The following RUSC2 variants were observed in gnomAD, a reference collection of about 807,000 sequenced individuals.
RUSC2 encodes the protein RUN and SH3 domain containing 2, also known as AP-4 complex accessory subunit RUSC2.
Under a neutral mutation model 122.2 loss-of-function variants are expected in RUSC2, and 34 were observed. That is an observed-to-expected ratio of 0.28 (90% CI 0.21 to 0.37). The LOEUF is 0.37. Ranked by LOEUF, RUSC2 falls within the 10% of genes least tolerant of loss-of-function variation. The probability of loss-of-function intolerance (pLI) is 1.00; values close to 1 mark genes in which losing one functional copy is unlikely to be tolerated. For missense variants in RUSC2, 1,747 were observed against 1,952.4 expected (o/e 0.89, Z 1.98); for synonymous variants, 784 against 790.0 (o/e 0.99, Z 0.13).
At chr9:35,540,956 A>G (rs1265320711) in intron 1 of RUSC2, among the ~76,000 whole-genome samples, 1 of 152,224 alleles carries the variant, frequency 6.6e-6, no homozygotes, top group Non-Finnish European at 1.5e-5. Context: ...GATTATGCCT[A>G]CTTAAAAATG....
At chr9:35,497,503 T>A (rs934879270) in intron 1 of RUSC2, among the ~76,000 whole-genome samples, 2 of 152,188 alleles carry the variant, frequency 1.3e-5, no homozygotes, top group Non-Finnish European at 2.9e-5. Flanking sequence ...TTACCAGCCA[T>A]ATATCCGAAT....
chr9:35,559,898 T>A (rs1393373977), intron 9 of RUSC2, 131 bp from the exon 10 acceptor site: 6 of 742,546 alleles, frequency 8.1e-6, no homozygotes, highest in Admixed American at 2.4e-5. Flanking sequence ...TTATACTTAG[T>A]ACATGCAAGT....
intron 1 of RUSC2, among the ~76,000 whole-genome samples, chr9:35,541,923 TC>T (rs1762783405): frequency 6.8e-6 from 1 of 147,964 alleles, no homozygotes. Context: ...TATTTTTATA[TC>T]ATATAACATT....
rs564103546 is a variant in RUSC2 at position 35,561,282 on chromosome 9, G to A, written c.4451G>A (p.Trp1484Ter). 2 of 1,614,110 alleles carry A rather than the reference G, an allele frequency of 1.2e-6. No individual in the cohort carries two copies. Among genetic ancestry groups the A allele is most frequent in the South Asian group, 2.2e-5 (2 of 91,084 alleles). Residue 1484 changes from tryptophan to a stop codon, truncating the protein, a stop_gained, in exon 12 of 12, where the codon TGG (tryptophan) becomes TAG (stop). Transcript: ENST00000361226. LOFTEE classifies it high-confidence loss of function. ...LRVLGRAGGD[W>*]LRCSRGPDSG... ...GTGCTGGGGCGAGCTGGAGGAGACT[G>A]GCTGCGCTGCAGCCGTGGCCCCGAC... is the stretch of plus-strand genomic sequence containing the variant.
intron 1 of RUSC2, among the ~76,000 whole-genome samples, chr9:35,495,744 C>G (rs1332754447): frequency 6.6e-6 from 1 of 152,106 alleles, no homozygotes; most frequent in Non-Finnish European, 1.5e-5. Flanking sequence ...TATTGAATCT[C>G]TAGCTGACTT....
intron 1 of RUSC2, among the ~76,000 whole-genome samples, chr9:35,542,624 G>C (rs1024739727): frequency 6.6e-6 from 1 of 152,194 alleles, no homozygotes; most frequent in Non-Finnish European, 1.5e-5. Flanking sequence ...AATGGGAAAA[G>C]TAGTCAACAA....
At chr9:35,507,812 G>C (rs1820944686) in intron 1 of RUSC2, 1 of 214,138 alleles carries the variant, frequency 4.7e-6, no homozygotes. Context: ...AGAAAATGTG[G>C]CTATTAAGAG....
At position 35,558,280 on chromosome 9, in the gene RUSC2, G is replaced by A. The variant is rs751664649; in HGVS notation, c.3144G>A (p.Leu1048=). The change falls in exon 7 of 12, where the codon CTG becomes CTA. Residue 1048 remains leucine (L), a synonymous_variant. Transcript: ENST00000361226. The surrounding 1 kb of genome is among the most constrained non-coding windows in gnomAD (Gnocchi z 4.3). ...KYLCPAVRAV[L]EDGLKAFVLD... Reference sequence around the variant, plus strand: ...TGTGCCCTGCCGTCCGCGCCGTGCTGGAGGATGGGCTCAAGGCCTTTGTAC... The same window carrying A: ...TGTGCCCTGCCGTCCGCGCCGTGCTAGAGGATGGGCTCAAGGCCTTTGTAC... 1.9e-6 allele frequency: 3 copies of A among 1,614,196 alleles called. No individual in the cohort carries two copies. The highest frequency in any genetic ancestry group is 2.5e-6 in the Non-Finnish European group (3 of 1,180,032).
chr9:35,551,539 G>A (rs1254665785), intron 2 of RUSC2, among the ~76,000 whole-genome samples: 1 of 152,158 alleles, frequency 6.6e-6, no homozygotes, highest in African/African-American at 2.4e-5. Flanking sequence ...GGTGCATCTC[G>A]TGGGATACTA....
chr9:35,507,049 T>C lies in RUSC2; in HGVS notation c.-93+16877T>C, dbSNP rs111415715. On this transcript the variant is annotated intron_variant, in intron 1 of 11. Transcript: ENST00000361226. ...GGAGGATCATTTGAGCCTAGGAGGGTGAGGCTGCAGTGAGCTGTGATTATA... is the reference window on the plus strand; with the variant it reads ...GGAGGATCATTTGAGCCTAGGAGGGCGAGGCTGCAGTGAGCTGTGATTATA... Among the ~76,000 whole-genome samples the C allele has an allele frequency of 5.9e-3, 899 of 152,126 alleles. 15 individuals carry two copies. Among genetic ancestry groups the C allele is most frequent in the African/African-American group, 0.021 (863 of 41,512 alleles).
chr9:35,513,190 T>TTTGTTGTTG (rs147038968), intron 1 of RUSC2, among the ~76,000 whole-genome samples: 2,814 of 149,754 alleles, frequency 0.019, 39 homozygotes, highest in Non-Finnish European at 0.026. Context: ...TATACTTTGT[T>TTTGTTGTTG]TTGTTGTTGT....
chr9:35,491,434 G>C (rs1361428993), intron 1 of RUSC2, among the ~76,000 whole-genome samples: 1 of 152,184 alleles, frequency 6.6e-6, no homozygotes, highest in Non-Finnish European at 1.5e-5. Flanking sequence ...AGTATACCTG[G>C]TATTCTGTTA....
At chr9:35,507,998 C>G (rs1193904296) in intron 1 of RUSC2, 1 of 153,330 alleles carries the variant, frequency 6.5e-6, no homozygotes, top group Non-Finnish European at 1.5e-5. Context: ...CTATATTTCT[C>G]TAACAAGTAT....
rs147246384 is a variant in RUSC2, at chr9:35,549,765, A to G, written c.2014+1230A>G. On this transcript the variant is annotated intron_variant, in intron 2 of 11. Coordinates refer to ENST00000361226, the MANE Select transcript of RUSC2 (RefSeq NM_014806.5). The stretch of plus-strand genomic sequence containing the variant: ...ATATAATTTGGTGAAGCCATAGTGG[A>G]ACACAGGTGGAACCACTGAAAAATT... Among the ~76,000 whole-genome samples the G allele has an allele frequency of 6.8e-3, 1,032 of 152,368 alleles. 10 individuals are homozygous for G. Among genetic ancestry groups the G allele is most frequent in the Non-Finnish European group, 9.1e-3 (619 of 68,034 alleles).
intron 1 of RUSC2, among the ~76,000 whole-genome samples, chr9:35,500,201 T>G (rs553705642): frequency 1.4e-3 from 195 of 143,780 alleles, no homozygotes; most frequent in African/African-American, 4.9e-3. Flanking sequence ...ACTGGGCAAT[T>G]TACAAAAGAA....
chr9:35,518,452 G>A (rs2132514027), intron 1 of RUSC2, among the ~76,000 whole-genome samples: 1 of 152,320 alleles, frequency 6.6e-6, no homozygotes, highest in South Asian at 2.1e-4. Context: ...CCAGCTGTCA[G>A]CCTCCTCATG....
chr9:35,496,984 A>T (rs549385546), intron 1 of RUSC2, among the ~76,000 whole-genome samples: 2 of 152,350 alleles, frequency 1.3e-5, no homozygotes, highest in South Asian at 4.1e-4. Flanking sequence ...ATGAGTATGT[A>T]TACTTGAATC....
chr9:35,522,132 C>T (rs1821228366), intron 1 of RUSC2, among the ~76,000 whole-genome samples: 3 of 152,204 alleles, frequency 2.0e-5, no homozygotes, highest in African/African-American at 4.8e-5. Flanking sequence ...AATCTCATGG[C>T]AAGGGTGGAG....
rs143461941 is a variant in RUSC2 at position 35,517,193 on chromosome 9, ATC to A, written c.-93+27023_-93+27024del. 3.2e-3 allele frequency among the ~76,000 whole-genome samples: 486 copies of A among 152,324 alleles called. 1 individual carries two copies. The highest frequency in any genetic ancestry group is 0.011 in the African/African-American group (455 of 41,578). Reference sequence around the variant, plus strand: ...ACCAGAGGCTGCAGGAGGTTTGAACATCTGTTTTGAATCCCAGGGTAGAGACT... The same window carrying A: ...ACCAGAGGCTGCAGGAGGTTTGAACATGTTTTGAATCCCAGGGTAGAGACT... On this transcript the variant is annotated intron_variant, in intron 1 of 11. Coordinates refer to ENST00000361226, the MANE Select transcript of RUSC2 (RefSeq NM_014806.5).
Sources: allele counts gnomAD v4.1 joint callset (sites outside exome capture counted in the v4.1 genomes callset), GRCh38; gene constraint gnomAD v4.1.1; non-coding constraint Gnocchi (gnomAD v3.1); transcripts MANE v1.5; gene names NCBI Gene and HGNC (gene_info 2026-07-23, HGNC 2026-07-21).